FZD3: variants seen among roughly 807,000 people sequenced by gnomAD.
The protein encoded by FZD3 is frizzled class receptor 3, also known as frizzled-3.
FZD3 carries 30 observed loss-of-function variants against 60.7 expected under a neutral mutation model. The ratio of observed to expected loss-of-function variants is 0.49; its 90% confidence interval spans 0.37 to 0.67. The LOEUF is 0.67. Ranked by LOEUF, FZD3 falls within the 30% of genes least tolerant of loss-of-function variation. The probability of loss-of-function intolerance (pLI) is 0.00; values close to 1 mark genes in which losing one functional copy is unlikely to be tolerated. For missense variants in FZD3, 605 were observed against 838.7 expected, an observed-to-expected ratio of 0.72 and a Z score of 3.44; for synonymous variants, 246 against 275.2, an observed-to-expected ratio of 0.89 and a Z score of 1.05.
Position 28,567,945 on chromosome 8 carries a change from T to C in FZD3, c.*4934T>C, listed in dbSNP as rs1472313441. 6.6e-6 allele frequency: 1 copy of C among 152,176 alleles called. No individual in the cohort carries two copies. The highest frequency in any genetic ancestry group is 2.4e-5 in the African/African-American group (1 of 41,450). 9.4% of individuals were successfully genotyped at this position (152,176 alleles called of 1,614,324 possible). A position where few individuals can be genotyped will look rare whatever the true frequency, so the allele number is the denominator to read the frequency against. On this transcript the variant is annotated 3_prime_UTR_variant, in exon 8 of 8. Coordinates refer to ENST00000240093, the MANE Select transcript of FZD3 (RefSeq NM_017412.4). Reference sequence around the variant, plus strand: ...AATGTAGACCCTATAATGTTTTTTGTCTTTGACTTTTTGGCTTTTATGTAC... The same window carrying C: ...AATGTAGACCCTATAATGTTTTTTGCCTTTGACTTTTTGGCTTTTATGTAC...
intron 7 of FZD3, 69 bp downstream of exon 7, chr8:28,556,040 G>A (rs1805502420): frequency 1.0e-6 from 1 of 1,002,936 alleles, no homozygotes; most frequent in Non-Finnish European, 1.5e-6. Context: ...AGAAAGAGGA[G>A]CAGCCAATTC....
intron 5 of FZD3, among the ~76,000 whole-genome samples, chr8:28,544,810 A>C (rs1468046856): frequency 6.6e-6 from 1 of 152,174 alleles, no homozygotes; most frequent in Non-Finnish European, 1.5e-5. Context: ...AATACCTGAA[A>C]CTGGGTAATT....
intron 5 of FZD3, 89 bp downstream of exon 5, chr8:28,528,253 A>C: frequency 1.0e-6 from 1 of 975,846 alleles, no homozygotes; most frequent in Non-Finnish European, 1.5e-6. Flanking sequence ...CTGTTTTTTG[A>C]AATGTCATGA....
chr8:28,498,152 T>C (rs1194221623), intron 1 of FZD3, among the ~76,000 whole-genome samples: 1 of 152,228 alleles, frequency 6.6e-6, no homozygotes, highest in Non-Finnish European at 1.5e-5. Flanking sequence ...TCTGTATTGC[T>C]CTATGGAGAA....
At chr8:28,508,425 CTTTTTTTTT>C (rs35048077) in intron 3 of FZD3, among the ~76,000 whole-genome samples, 7 of 129,850 alleles carry the variant, frequency 5.4e-5, no homozygotes, top group Admixed American at 4.6e-4. Context: ...CTAGGGAATA[CTTTTTTTTT>C]TTTTTTTTTT....
At chr8:28,511,385 C>T (rs894034324) in intron 3 of FZD3, among the ~76,000 whole-genome samples, 1 of 152,076 alleles carries the variant, frequency 6.6e-6, no homozygotes, top group East Asian at 1.9e-4. Context: ...ACTTGGGAGG[C>T]TGAGGCAGGA....
At chr8:28,525,178 T>A (rs945677057) in intron 4 of FZD3, among the ~76,000 whole-genome samples, 1 of 152,228 alleles carries the variant, frequency 6.6e-6, no homozygotes, top group South Asian at 2.1e-4. Context: ...CACATGTCAA[T>A]TGAATGTCTT....
chr8:28,561,479 ATAAT>A lies in FZD3; in HGVS notation c.1788-1317_1788-1314del, dbSNP rs529756093. Among the ~76,000 whole-genome samples, 948 of 152,302 alleles carry A rather than the reference ATAAT, an allele frequency of 6.2e-3. 8 individuals carry two copies. Among genetic ancestry groups the A allele is most frequent in the Non-Finnish European group, 9.7e-3 (659 of 68,026 alleles). ...ATGAATCTATCTTTAAATTTTATAAATAATTCACACTGAGTCATGAAATTTGTTA... is the reference window on the plus strand; with the variant it reads ...ATGAATCTATCTTTAAATTTTATAAATCACACTGAGTCATGAAATTTGTTA... On this transcript the variant is annotated intron_variant, in intron 7 of 7. Coordinates refer to ENST00000240093, the MANE Select transcript of FZD3 (RefSeq NM_017412.4).
intron 5 of FZD3, among the ~76,000 whole-genome samples, chr8:28,551,138 C>T (rs1805402600): frequency 6.6e-6 from 1 of 151,980 alleles, no homozygotes; most frequent in Admixed American, 6.6e-5. Context: ...AATTTATTGC[C>T]AAATTTTCAG....
intron 6 of FZD3, among the ~76,000 whole-genome samples, chr8:28,553,931 C>T (rs1459594686): frequency 6.6e-6 from 1 of 152,190 alleles, no homozygotes; most frequent in Non-Finnish European, 1.5e-5. Flanking sequence ...TGGAGGACAT[C>T]ATTTTACAGA....
chr8:28,500,246 G>A (rs1463743457), intron 2 of FZD3, among the ~76,000 whole-genome samples: 1 of 152,102 alleles, frequency 6.6e-6, no homozygotes, highest in African/African-American at 2.4e-5. Context: ...CTTGGTACAT[G>A]GTAATTTGAA....
intron 3 of FZD3, among the ~76,000 whole-genome samples, chr8:28,514,830 C>T (rs1412568958): frequency 6.6e-6 from 1 of 152,196 alleles, no homozygotes; most frequent in South Asian, 2.1e-4. Flanking sequence ...TTAACTTGCA[C>T]CTATTCCCCA....
chr8:28,533,023 C>A (rs1267526704), intron 5 of FZD3, among the ~76,000 whole-genome samples: 1 of 152,048 alleles, frequency 6.6e-6, no homozygotes, highest in Non-Finnish European at 1.5e-5. Context: ...TTATTCAGGT[C>A]TTTTATTTCT....
intron 3 of FZD3, 25 bp from the exon 4 acceptor site, chr8:28,520,613 T>C (rs761346148): frequency 6.5e-6 from 9 of 1,387,396 alleles, no homozygotes; most frequent in African/African-American, 1.4e-5. Context: ...CTTTAACTAA[T>C]TATTCAATTT....
chr8:28,506,541 T>G (rs1406074390), intron 3 of FZD3, among the ~76,000 whole-genome samples: 2 of 152,182 alleles, frequency 1.3e-5, no homozygotes, highest in African/African-American at 4.8e-5. Flanking sequence ...TTTGGGAGGT[T>G]GATTGCTTGC....
In FZD3 at chr8:28,568,065, G is replaced by A. The variant is rs962449843; in HGVS notation, c.*5054G>A. ...TTTAAATTTTAAGTCATCACACTATGAGAATTGTTTGTACACATTTATAAT... is the reference window on the plus strand; with the variant it reads ...TTTAAATTTTAAGTCATCACACTATAAGAATTGTTTGTACACATTTATAAT... On this transcript the variant is annotated 3_prime_UTR_variant, in exon 8 of 8. Transcript: ENST00000240093. 1.3e-5 allele frequency: 2 copies of A among 152,066 alleles called. No homozygotes were observed. The highest frequency in any genetic ancestry group is 4.8e-5 in the African/African-American group (2 of 41,406). The allele number at this position is 152,066 out of a possible 1,614,324, so 9.4% of individuals were successfully genotyped here.
intron 7 of FZD3, among the ~76,000 whole-genome samples, chr8:28,561,599 TA>T (rs5890425): frequency 0.039 from 5,786 of 147,658 alleles, 338 homozygotes; most frequent in African/African-American, 0.13. Context: ...GATGACTGTT[TA>T]AAAAAAAAAA....
In FZD3 at chr8:28,563,107, T is replaced by C. The variant is rs1198036074; in HGVS notation, c.*96T>C. The C allele has an allele frequency of 6.5e-5, 52 of 805,116 alleles. No homozygotes were observed. The allele number at this position is 805,116 out of a possible 1,614,324, so 49.9% of individuals were successfully genotyped here. On this transcript the variant is annotated 3_prime_UTR_variant, in exon 8 of 8. Coordinates refer to ENST00000240093, the MANE Select transcript of FZD3 (RefSeq NM_017412.4). ...TGATAGCTGTAACTCACAGTTAACA[T>C]GCTTTCAGTCAAGTACAGATTGTGT...
rs1805778847 is a variant in FZD3, at chr8:28,570,159, A to T, written c.*7148A>T. 6.6e-6 allele frequency: 1 copy of T among 152,196 alleles called. No individual in the cohort carries two copies. Among genetic ancestry groups the T allele is most frequent in the Admixed American group, 6.5e-5 (1 of 15,286 alleles). The allele number at this position is 152,196 out of a possible 1,614,324, so 9.4% of individuals were successfully genotyped here. A position where few individuals can be genotyped will look rare whatever the true frequency, so the allele number is the denominator to read the frequency against. ...TAATTTTTTTCTGGCTATACAGAAA[A>T]TGTTTCTGGAAAAATTCCTTAATTG... On this transcript the variant is annotated 3_prime_UTR_variant, in exon 8 of 8. Coordinates refer to ENST00000240093, the MANE Select transcript of FZD3 (RefSeq NM_017412.4).
Sources: gnomAD v4.1 joint callset for allele counts (sites outside exome capture counted in the v4.1 genomes callset) on GRCh38, gnomAD v4.1.1 for gene constraint, MANE v1.5 for transcripts, NCBI Gene and HGNC (gene_info 2026-07-23, HGNC 2026-07-21) for gene names.